KCNAB1: variants seen among roughly 807,000 people sequenced by gnomAD.
KCNAB1 encodes the protein potassium voltage-gated channel subfamily A regulatory beta subunit 1.
Under a neutral mutation model 64.6 loss-of-function variants are expected in KCNAB1, and 35 were observed. The observed-to-expected ratio is 0.54, with a 90% confidence interval of 0.41 to 0.72. The LOEUF is 0.72. Ranked by LOEUF, KCNAB1 falls within the 30% of genes least tolerant of loss-of-function variation. The pLI, the probability that KCNAB1 is intolerant of heterozygous loss-of-function variation, is 0.00. For synonymous variants in KCNAB1, 177 were observed against 183.8 expected (o/e 0.96, Z 0.30); for missense variants, 401 against 512.9 (o/e 0.78, Z 2.11).
At chr3:156,371,754 C>T (rs778854245) in intron 1 of KCNAB1, among the ~76,000 whole-genome samples, 5 of 152,154 alleles carry the variant, frequency 3.3e-5, no homozygotes, top group African/African-American at 1.2e-4. Flanking sequence ...TAAAAATACT[C>T]GGTATAGCCA....
chr3:156,402,142 A>T (rs1713942175), intron 1 of KCNAB1, among the ~76,000 whole-genome samples: 1 of 149,748 alleles, frequency 6.7e-6, no homozygotes, highest in Non-Finnish European at 1.5e-5. Flanking sequence ...TAGAACTTAA[A>T]GTATAATTTA....
intron 1 of KCNAB1, among the ~76,000 whole-genome samples, chr3:156,303,510 G>A (rs1423512549): frequency 6.6e-6 from 1 of 152,156 alleles, no homozygotes. Context: ...GCTCCTGGGG[G>A]ACCTTGCTGA....
chr3:156,291,263 A>G, intron 1 of KCNAB1: 1 of 986,878 alleles, frequency 1.0e-6, no homozygotes, highest in Non-Finnish European at 1.2e-6. Context: ...CTCGAGAATG[A>G]GTGGGGAGGG....
chr3:156,327,131 G>A (rs1200789892), intron 1 of KCNAB1, among the ~76,000 whole-genome samples: 1 of 152,128 alleles, frequency 6.6e-6, no homozygotes, highest in Non-Finnish European at 1.5e-5. Context: ...AAAATAGCAT[G>A]TCTCTATGGT....
chr3:156,387,016 T>TC (rs1712662430), intron 1 of KCNAB1, among the ~76,000 whole-genome samples: 5 of 73,818 alleles, frequency 6.8e-5, no homozygotes, highest in African/African-American at 5.7e-4. Context: ...CTCTCTCTCT[T>TC]TTTTTTTTTT....
Position 156,332,544 on chromosome 3 carries a change from A to G in KCNAB1, c.276-89072A>G, listed in dbSNP as rs116160391. 6.0e-3 allele frequency among the ~76,000 whole-genome samples: 917 copies of G among 152,282 alleles called. 7 individuals are homozygous for G. The highest frequency in any genetic ancestry group is 0.021 in the African/African-American group (877 of 41,554). On this transcript the variant is annotated intron_variant, in intron 1 of 13. Coordinates refer to ENST00000490337, the MANE Select transcript of KCNAB1 (RefSeq NM_172160.3). Reference sequence around the variant, plus strand: ...ATTTGCCAATGTTCACTGTGGTACAAGCACAGTTTTTCAGAGTGTCGTGAC... The same window carrying G: ...ATTTGCCAATGTTCACTGTGGTACAGGCACAGTTTTTCAGAGTGTCGTGAC...
At chr3:156,419,971 C>T (rs751309187) in intron 1 of KCNAB1, among the ~76,000 whole-genome samples, 8 of 152,206 alleles carry the variant, frequency 5.3e-5, no homozygotes, top group African/African-American at 1.9e-4. Flanking sequence ...ACTAAATGAA[C>T]AATTTCTTAT....
intron 8 of KCNAB1, among the ~76,000 whole-genome samples, chr3:156,486,887 CTCTGT>C (rs1442444749): frequency 5.3e-5 from 8 of 152,214 alleles, no homozygotes; most frequent in Non-Finnish European, 1.0e-4. Flanking sequence ...GACTTTAGGT[CTCTGT>C]ATTACCATAG....
At chr3:156,408,206 C>A (rs957195743) in intron 1 of KCNAB1, among the ~76,000 whole-genome samples, 1 of 152,164 alleles carries the variant, frequency 6.6e-6, no homozygotes, top group Non-Finnish European at 1.5e-5. Context: ...CCCTATCCCA[C>A]GTCTCAGGGC....
rs142807888 is a variant in KCNAB1, at chr3:156,140,732, C to T, written c.275+19846C>T. On this transcript the variant is annotated intron_variant, in intron 1 of 13. Transcript: ENST00000490337. ...TAATGGTATAGGATATACAAAAATA[C>T]GGCAGAAATCACAAGGGGTGTGCAA... 3.9e-4 allele frequency among the ~76,000 whole-genome samples: 60 copies of T among 152,140 alleles called. 1 individual carries two copies. In the East Asian group the frequency reaches 8.7e-3, roughly 22 times the overall value.
chr3:156,234,312 C>G (rs1470984562), intron 1 of KCNAB1, among the ~76,000 whole-genome samples: 1 of 151,968 alleles, frequency 6.6e-6, no homozygotes, highest in Admixed American at 6.6e-5. Flanking sequence ...ATGGGAAAGA[C>G]CCTGTAGAGA....
upstream of KCNAB1, chr3:156,120,449 T>C: frequency 1.2e-6 from 1 of 807,668 alleles, no homozygotes. Flanking sequence ...TAGAGATACA[T>C]TTTCATCCCA....
At chr3:156,346,915 G>A (rs1724518192) in intron 1 of KCNAB1, among the ~76,000 whole-genome samples, 1 of 152,112 alleles carries the variant, frequency 6.6e-6, no homozygotes, top group African/African-American at 2.4e-5. Context: ...AAAAACTTAT[G>A]AGTAGAGTGA....
intron 8 of KCNAB1, among the ~76,000 whole-genome samples, chr3:156,487,100 T>G (rs1715275385): frequency 6.6e-6 from 1 of 152,184 alleles, no homozygotes; most frequent in Non-Finnish European, 1.5e-5. Context: ...CAAAAAAATT[T>G]AACTCTTAGT....
At chr3:156,210,009 T>C (rs1405707965) in intron 1 of KCNAB1, among the ~76,000 whole-genome samples, 1 of 152,210 alleles carries the variant, frequency 6.6e-6, no homozygotes, top group East Asian at 1.9e-4. Context: ...AAATCATCAA[T>C]ACATTGTGCC....
chr3:156,134,655 A>G (rs1445428582), intron 1 of KCNAB1, among the ~76,000 whole-genome samples: 4 of 152,268 alleles, frequency 2.6e-5, no homozygotes, highest in Non-Finnish European at 5.9e-5. Context: ...AATTACTTCA[A>G]GTTTATGTTT....
chr3:156,516,130 G>A (rs768951224), intron 10 of KCNAB1, 140 bp from the exon 11 acceptor site: 1 of 577,102 alleles, frequency 1.7e-6, no homozygotes, highest in East Asian at 2.9e-5. Context: ...GGAAAAAAAT[G>A]CATGCTGATA....
intron 1 of KCNAB1, among the ~76,000 whole-genome samples, chr3:156,414,102 T>G (rs551511638): frequency 1.3e-5 from 2 of 152,182 alleles, no homozygotes; most frequent in African/African-American, 2.4e-5. Flanking sequence ...ATTGCTGACT[T>G]TGCTTTCTAA....
chr3:156,230,959 C>T (rs1251697940), intron 1 of KCNAB1, among the ~76,000 whole-genome samples: 1 of 152,204 alleles, frequency 6.6e-6, no homozygotes, highest in Non-Finnish European at 1.5e-5. Context: ...CCTCTTTTCC[C>T]TCTTCTGGAG....
Sources: allele counts gnomAD v4.1 joint callset (sites outside exome capture counted in the v4.1 genomes callset), GRCh38; gene constraint gnomAD v4.1.1; transcripts MANE v1.5; gene names NCBI Gene and HGNC (gene_info 2026-07-23, HGNC 2026-07-21).